The following CDH4 variants were observed in gnomAD, a reference collection of about 807,000 sequenced individuals.
CDH4 encodes cadherin 4, also known as cadherin-4.
A neutral mutation model predicts 86.0 loss-of-function variants in CDH4; 33 were observed. The observed-to-expected ratio is 0.38, with a 90% confidence interval of 0.29 to 0.51. The LOEUF (loss-of-function observed/expected upper bound fraction) is 0.51, where lower values mean the gene tolerates loss of function less well. Ranked by LOEUF, CDH4 falls within the 20% of genes least tolerant of loss-of-function variation. The pLI, the probability that CDH4 is intolerant of heterozygous loss-of-function variation, is 0.86. For missense variants in CDH4, 1,114 were observed against 1,307.4 expected (o/e 0.85, Z 2.28); for synonymous variants, 555 against 549.4 (o/e 1.01, Z -0.14).
At chr20:61,267,915 C>T (rs2084165202) in intron 2 of CDH4, among the ~76,000 whole-genome samples, 1 of 152,230 alleles carries the variant, frequency 6.6e-6, no homozygotes, top group African/African-American at 2.4e-5. Flanking sequence ...TGTGTGTCTG[C>T]AGCCTGGCTG....
intron 2 of CDH4, among the ~76,000 whole-genome samples, chr20:61,292,775 A>G (rs886583580): frequency 1.3e-5 from 2 of 152,182 alleles, no homozygotes; most frequent in African/African-American, 4.8e-5. Context: ...AACTTGGGCA[A>G]TGCTGTTTTT....
At chr20:61,576,643 C>G (rs998874922) in intron 2 of CDH4, among the ~76,000 whole-genome samples, 1 of 152,198 alleles carries the variant, frequency 6.6e-6, no homozygotes, top group Admixed American at 6.5e-5. Flanking sequence ...CTGTTCTCTC[C>G]TCTGGGCCAG....
intron 2 of CDH4, among the ~76,000 whole-genome samples, chr20:61,562,352 A>G: frequency 6.9e-6 from 1 of 144,248 alleles, no homozygotes; most frequent in African/African-American, 2.6e-5. Flanking sequence ...CCGGAGAGAG[A>G]GAGGGACCTC....
chr20:61,891,125 G>A (rs1407135920), intron 7 of CDH4, among the ~76,000 whole-genome samples: 1 of 152,136 alleles, frequency 6.6e-6, no homozygotes, highest in Non-Finnish European at 1.5e-5. Flanking sequence ...GAGGTGTGGG[G>A]TGCACAGTGC....
intron 8 of CDH4, among the ~76,000 whole-genome samples, chr20:61,898,455 G>A (rs1049732834): frequency 2.6e-5 from 4 of 152,214 alleles, no homozygotes; most frequent in Admixed American, 6.5e-5. Context: ...GGCCACAGAG[G>A]ACACAAGCTT....
intron 2 of CDH4, among the ~76,000 whole-genome samples, chr20:61,654,414 GGAAAGAGGGAGAGGGAGACCGTGGGGAGA>G (rs2087164782): frequency 6.6e-6 from 1 of 152,066 alleles, no homozygotes; most frequent in Admixed American, 6.5e-5. Context: ...GGGAGACCGT[GGAAAGAGGGAGAGGGAGACCGTGGGGAGA>G]GGGAGAGGGA....
intron 2 of CDH4, among the ~76,000 whole-genome samples, chr20:61,427,459 C>T (rs1265677093): frequency 6.6e-6 from 1 of 151,968 alleles, no homozygotes; most frequent in Non-Finnish European, 1.5e-5. Flanking sequence ...GATCTGTGTG[C>T]CATCCTGCAT....
chr20:61,707,479 C>A (rs1011926638), intron 2 of CDH4, among the ~76,000 whole-genome samples: 5 of 152,198 alleles, frequency 3.3e-5, no homozygotes, highest in African/African-American at 1.2e-4. Flanking sequence ...TGGGTGAACG[C>A]GGGATGTGGA....
intron 2 of CDH4, among the ~76,000 whole-genome samples, chr20:61,602,578 G>T (rs771452364): frequency 2.6e-5 from 4 of 151,794 alleles, no homozygotes; most frequent in Non-Finnish European, 5.9e-5. Context: ...GGATGTTTTG[G>T]TGAGCTGGAA....
Position 61,516,527 on chromosome 20 carries a change from C to T in CDH4, c.170-227036C>T, listed in dbSNP as rs186563682. On this transcript the variant is annotated intron_variant, in intron 2 of 15. Transcript: ENST00000614565. This position sits in a 1 kb window ranked among gnomAD's most constrained non-coding sequence, Gnocchi z 4.0. ...GGGGAGTCTAACGGCAGGTTCTCAC[C>T]GCCCTGGAAACTACATCTGCCTCAG... is the stretch of plus-strand genomic sequence containing the variant. 7.9e-5 allele frequency among the ~76,000 whole-genome samples: 12 copies of T among 152,260 alleles called. No individual in the cohort carries two copies. The highest frequency in any genetic ancestry group is 1.9e-4 in the East Asian group (1 of 5,178).
At chr20:61,593,944 G>A (rs2086535722) in intron 2 of CDH4, among the ~76,000 whole-genome samples, 1 of 148,552 alleles carries the variant, frequency 6.7e-6, no homozygotes, top group East Asian at 2.0e-4. Context: ...GTACACAGTC[G>A]ACATTCAGAA....
intron 2 of CDH4, among the ~76,000 whole-genome samples, chr20:61,458,264 GTGCTGA>G (rs2085420753): frequency 1.3e-5 from 2 of 151,862 alleles, no homozygotes; most frequent in Non-Finnish European, 2.9e-5. Context: ...GTTGATGACA[GTGCTGA>G]TGCTGGTGGT....
chr20:61,932,068 C>G (rs1223207409), intron 13 of CDH4, among the ~76,000 whole-genome samples: 1 of 152,144 alleles, frequency 6.6e-6, no homozygotes, highest in Non-Finnish European at 1.5e-5. Flanking sequence ...AGGGCAGAGC[C>G]TCTTTCAATA....
chr20:61,900,180 C>T (rs759030116), intron 8 of CDH4, among the ~76,000 whole-genome samples: 3 of 152,212 alleles, frequency 2.0e-5, no homozygotes, highest in Non-Finnish European at 4.4e-5. Context: ...AGCCTGGCTG[C>T]GTGCCCACTC....
chr20:61,258,346 G>GAAAAAAGA (rs2084111713), intron 2 of CDH4, among the ~76,000 whole-genome samples: 1 of 42,788 alleles, frequency 2.3e-5, no homozygotes, highest in Non-Finnish European at 5.1e-5. Flanking sequence ...AAAAAAAAAA[G>GAAAAAAGA]AAAAAAAAAA....
At chr20:61,884,347 C>G (rs186489741) in intron 7 of CDH4, among the ~76,000 whole-genome samples, 1 of 152,238 alleles carries the variant, frequency 6.6e-6, no homozygotes, top group Non-Finnish European at 1.5e-5. Flanking sequence ...CGCAGCAACC[C>G]GGACAGCTAA....
At chr20:61,783,800 T>C (rs186146568) in intron 4 of CDH4, among the ~76,000 whole-genome samples, 683 of 54,760 alleles carry the variant, frequency 0.012, 58 homozygotes, top group African/African-American at 0.035. Context: ...CTCAGGTGTC[T>C]TGTGCCCCCA....
intron 2 of CDH4, among the ~76,000 whole-genome samples, chr20:61,683,748 C>G (rs766462095): frequency 6.6e-6 from 1 of 152,250 alleles, no homozygotes; most frequent in African/African-American, 2.4e-5. Context: ...CATACAGTTA[C>G]CACTCACTGT....
intron 2 of CDH4, among the ~76,000 whole-genome samples, chr20:61,411,035 C>T (rs1288856647): frequency 2.6e-5 from 4 of 151,978 alleles, no homozygotes; most frequent in South Asian, 2.1e-4. Context: ...CCCACACAAC[C>T]GTCCATTCAT....
Sources: allele counts gnomAD v4.1 joint callset (sites outside exome capture counted in the v4.1 genomes callset), GRCh38; gene constraint gnomAD v4.1.1; non-coding constraint Gnocchi (gnomAD v3.1); transcripts MANE v1.5; gene names NCBI Gene and HGNC (gene_info 2026-07-23, HGNC 2026-07-21).